The following MGA variants were observed in gnomAD, a reference collection of about 807,000 sequenced individuals.
MGA encodes the protein MAX gene-associated protein.
In MGA, 40 loss-of-function variants were observed where a neutral mutation model predicts 261.1. That is an observed-to-expected ratio of 0.15 (90% CI 0.12 to 0.20). The LOEUF (loss-of-function observed/expected upper bound fraction) is 0.20. MGA is among the 10% of genes least tolerant of loss of function. MGA has a pLI of 1.00. For synonymous variants in MGA, 1,302 were observed against 1,290.6 expected, an observed-to-expected ratio of 1.01 and a Z score of -0.19; for missense variants, 3,397 against 3,630.5, an observed-to-expected ratio of 0.94 and a Z score of 1.65.
intron 7 of MGA, among the ~76,000 whole-genome samples, chr15:41,709,064 G>T (rs534287479): frequency 2.6e-5 from 4 of 151,886 alleles, no homozygotes; most frequent in Non-Finnish European, 5.9e-5. Context: ...AAATTTTGTG[G>T]TTGGGCATGG....
Position 41,761,675 on chromosome 15 carries a change from G to C in MGA, c.7399-64G>C. ...TTTTTTTCATTAGAGAAATTGTATAGGCCTTAGCTGTGTTTAAAGAAAGAG... is the reference window on the plus strand; with the variant it reads ...TTTTTTTCATTAGAGAAATTGTATACGCCTTAGCTGTGTTTAAAGAAAGAG... On this transcript the variant is annotated intron_variant, in intron 20 of 23. Transcript: ENST00000219905. 1.0e-5 allele frequency: 10 copies of C among 965,992 alleles called. No individual in the cohort carries two copies. The East Asian group carries it at 2.7e-4, about 26-fold the overall frequency. The allele number at this position is 965,992 out of a possible 1,614,324, so 59.8% of individuals were successfully genotyped here.
intron 9 of MGA, among the ~76,000 whole-genome samples, chr15:41,720,114 A>G (rs2060860072): frequency 6.6e-6 from 1 of 152,200 alleles, no homozygotes; most frequent in Non-Finnish European, 1.5e-5. Flanking sequence ...TCTAGAAATA[A>G]CCAGGTCAAT....
In MGA at chr15:41,696,082, G is replaced by A; in HGVS notation, c.1072G>A (p.Ala358Thr). 3 of 1,602,624 alleles carry A rather than the reference G, an allele frequency of 1.9e-6. No individual in the cohort carries two copies. Among genetic ancestry groups the A allele is most frequent in the Non-Finnish European group, 2.6e-6 (3 of 1,174,022 alleles). ...TCTCCTCTCTCTCTCCAGTCTTATT[G>A]CCAGCAGTTTTGAAGATGACTCCCG... is the stretch of plus-strand genomic sequence containing the variant. Residue 358 changes from alanine (A) to threonine (T), a missense_variant, in exon 3 of 24, where the codon GCC becomes ACC. Physicochemically the swap from Ala to Thr is moderately conservative, Grantham distance 58. Around this residue, in one of 9 missense-constraint regions of MGA, gnomAD observed 563 missense variants for 563.6 expected, o/e 1.00. Transcript: ENST00000219905.
intron 13 of MGA, among the ~76,000 whole-genome samples, chr15:41,739,022 A>G (rs2061946210): frequency 6.6e-6 from 1 of 152,090 alleles, no homozygotes. Context: ...CCCGATTTTG[A>G]AATGGTGAAA....
At chr15:41,728,579 A>G (rs2061362021) in intron 10 of MGA, among the ~76,000 whole-genome samples, 1 of 152,190 alleles carries the variant, frequency 6.6e-6, no homozygotes, top group African/African-American at 2.4e-5. Context: ...GGGAAAGAAA[A>G]TGTTGTTACT....
At chr15:41,650,490 T>C (rs1305170443) in intron 1 of MGA, among the ~76,000 whole-genome samples, 2 of 151,970 alleles carry the variant, frequency 1.3e-5, no homozygotes, top group African/African-American at 4.8e-5. Flanking sequence ...CAGGCTGGAG[T>C]GCAGTGGTGT....
intron 3 of MGA, among the ~76,000 whole-genome samples, chr15:41,697,311 TTCA>T (rs2059591959): frequency 6.6e-6 from 1 of 152,208 alleles, no homozygotes; most frequent in Non-Finnish European, 1.5e-5. Flanking sequence ...TACTGGAATT[TTCA>T]TCATTATGGA....
At chr15:41,695,711 G>T (rs2059522357) in intron 2 of MGA, among the ~76,000 whole-genome samples, 1 of 152,122 alleles carries the variant, frequency 6.6e-6, no homozygotes, top group South Asian at 2.1e-4. Context: ...TTTAAAGTTG[G>T]AAAATCATCT....
intron 1 of MGA, among the ~76,000 whole-genome samples, chr15:41,655,366 C>T (rs370988674): frequency 2.0e-5 from 3 of 151,458 alleles, no homozygotes; most frequent in South Asian, 2.1e-4. Context: ...TTTAGTGGAG[C>T]CTTGCTGTGT....
intron 15 of MGA, among the ~76,000 whole-genome samples, chr15:41,748,290 C>T (rs548645830): frequency 2.6e-5 from 4 of 151,880 alleles, no homozygotes; most frequent in Admixed American, 6.6e-5. Flanking sequence ...CGGTGGCTCA[C>T]GCCTGTAATC....
intron 17 of MGA, among the ~76,000 whole-genome samples, chr15:41,754,153 A>G (rs1053847255): frequency 6.6e-6 from 1 of 152,148 alleles, no homozygotes; most frequent in African/African-American, 2.4e-5. Context: ...TCCTGAGCTC[A>G]AAACGATCCA....
At chr15:41,705,379 A>G (rs2060054531) in intron 5 of MGA, among the ~76,000 whole-genome samples, 1 of 151,332 alleles carries the variant, frequency 6.6e-6, no homozygotes, top group South Asian at 2.1e-4. Context: ...TTTTTTCAAG[A>G]CAGGATTTTG....
Position 41,749,924 on chromosome 15 carries a change from A to T in MGA, c.6317A>T (p.His2106Leu). Reference sequence around the variant, plus strand: ...GTCCAAAATTTAAGTAAAGTACAGCATCAAAAACTTGGTGATGTGAAGGTG... The same window carrying T: ...GTCCAAAATTTAAGTAAAGTACAGCTTCAAAAACTTGGTGATGTGAAGGTG... Residue 2106 changes from histidine to leucine, a missense_variant, in exon 17 of 24, where the codon CAT becomes CTT. Coordinates refer to ENST00000219905, the MANE Select transcript of MGA (RefSeq NM_001164273.2). 1 of 1,613,940 alleles carries T rather than the reference A, an allele frequency of 6.2e-7. No homozygotes were observed. The highest frequency in any genetic ancestry group is 8.5e-7 in the Non-Finnish European group (1 of 1,179,870).
chr15:41,662,237 C>G (rs2057456916), intron 1 of MGA, among the ~76,000 whole-genome samples: 1 of 152,166 alleles, frequency 6.6e-6, no homozygotes, highest in Admixed American at 6.5e-5. Context: ...ATACTTACTT[C>G]AAGTTTGACT....
At chr15:41,674,828 A>G (rs2058290380) in intron 2 of MGA, among the ~76,000 whole-genome samples, 2 of 152,168 alleles carry the variant, frequency 1.3e-5, no homozygotes, top group Admixed American at 1.3e-4. Context: ...AATAGTGAAT[A>G]TTTTTAAAGC....
At chr15:41,673,376 C>A (rs954852128) in intron 2 of MGA, among the ~76,000 whole-genome samples, 1 of 151,738 alleles carries the variant, frequency 6.6e-6, no homozygotes, top group Non-Finnish European at 1.5e-5. Flanking sequence ...TGCCACCATG[C>A]CTGGCTAATT....
intron 10 of MGA, 106 bp downstream of exon 10, chr15:41,727,512 CAGT>C: frequency 1.9e-6 from 2 of 1,045,776 alleles, no homozygotes; most frequent in Non-Finnish European, 2.8e-6. Context: ...ATTTTGCTTT[CAGT>C]AATATGTTTA....
At chr15:41,660,040 G>A (rs752939322), upstream of MGA, among the ~76,000 whole-genome samples, 2 of 152,256 alleles carry the variant, frequency 1.3e-5, no homozygotes, top group Non-Finnish European at 2.9e-5. Flanking sequence ...GGCTGGGCGC[G>A]GCCGGGGCGG....
In MGA at chr15:41,742,672, G is replaced by T. The variant is rs753264360; in HGVS notation, c.4712G>T (p.Arg1571Ile). The T allele has an allele frequency of 5.0e-6, 8 of 1,613,966 alleles. No individual in the cohort carries two copies. The East Asian group carries it at 1.8e-4, about 36-fold the overall frequency. The change falls in exon 15 of 24, where the codon AGA becomes ATA. Residue 1571 changes from arginine to isoleucine, a missense_variant. Transcript: ENST00000219905. ...GCAGGGACACAGAAGTTCAGTATCA[G>T]ACCTTCTCCAGTAATGGTCGTCACA...
Sources: allele counts gnomAD v4.1 joint callset (sites outside exome capture counted in the v4.1 genomes callset), GRCh38; gene constraint gnomAD v4.1.1; regional missense constraint gnomAD v4.1.1; transcripts MANE v1.5; gene names NCBI Gene and HGNC (gene_info 2026-07-23, HGNC 2026-07-21).